The following ANKRD44 variants were observed in gnomAD, a reference collection of about 807,000 sequenced individuals.
The protein encoded by ANKRD44 is ankyrin repeat domain 44.
Under a neutral mutation model 116.0 loss-of-function variants are expected in ANKRD44, and 35 were observed. That is an observed-to-expected ratio of 0.30 (90% CI 0.23 to 0.40). The LOEUF (loss-of-function observed/expected upper bound fraction) is 0.40. Ranked by LOEUF, ANKRD44 falls within the 10% of genes least tolerant of loss-of-function variation. ANKRD44 has a pLI of 1.00. For missense variants in ANKRD44, 1,014 were observed against 1,242.6 expected (o/e 0.82, Z 2.77); for synonymous variants, 435 against 461.8 (o/e 0.94, Z 0.74).
intron 4 of ANKRD44, among the ~76,000 whole-genome samples, chr2:197,132,445 A>G (rs1236064015): frequency 1.3e-5 from 2 of 152,226 alleles, no homozygotes; most frequent in Admixed American, 6.5e-5. Flanking sequence ...TGACACCCTT[A>G]TTGCTTAACA....
chr2:197,124,487 T>C (rs866058782), intron 6 of ANKRD44, among the ~76,000 whole-genome samples: 1 of 152,236 alleles, frequency 6.6e-6, no homozygotes. Flanking sequence ...AAAATGAGAA[T>C]TATATTATTT....
At chr2:197,011,336 G>A (rs1376124324) in intron 18 of ANKRD44, among the ~76,000 whole-genome samples, 1 of 152,080 alleles carries the variant, frequency 6.6e-6, no homozygotes, top group Non-Finnish European at 1.5e-5. Flanking sequence ...CTAAACATAA[G>A]AAGAAAAAAA....
intron 1 of ANKRD44, among the ~76,000 whole-genome samples, chr2:197,304,731 G>A (rs2084018326): frequency 6.6e-6 from 1 of 152,186 alleles, no homozygotes; most frequent in South Asian, 2.1e-4. Context: ...TGTACCCATA[G>A]CAAACACTGG....
At chr2:197,299,968 A>G (rs2083847756) in intron 1 of ANKRD44, among the ~76,000 whole-genome samples, 1 of 152,238 alleles carries the variant, frequency 6.6e-6, no homozygotes, top group Non-Finnish European at 1.5e-5. Flanking sequence ...AAATGTTGCC[A>G]TGGTACCTCA....
intron 2 of ANKRD44, among the ~76,000 whole-genome samples, chr2:197,166,424 C>A (rs1330919272): frequency 6.6e-6 from 1 of 152,080 alleles, no homozygotes; most frequent in East Asian, 1.9e-4. Flanking sequence ...AGTAAGGATC[C>A]CTGTTCTATA....
intron 16 of ANKRD44, among the ~76,000 whole-genome samples, chr2:197,060,202 G>A (rs1055642482): frequency 6.6e-6 from 1 of 152,170 alleles, no homozygotes; most frequent in African/African-American, 2.4e-5. Flanking sequence ...AACTCCCACT[G>A]AGATAGTAAG....
At chr2:197,095,960 T>C (rs2078151991) in intron 10 of ANKRD44, among the ~76,000 whole-genome samples, 1 of 152,242 alleles carries the variant, frequency 6.6e-6, no homozygotes, top group Non-Finnish European at 1.5e-5. Flanking sequence ...ATCTAGTTTA[T>C]GTTTATACAT....
intron 2 of ANKRD44, among the ~76,000 whole-genome samples, chr2:197,168,329 C>T (rs2080146606): frequency 6.6e-6 from 1 of 152,212 alleles, no homozygotes; most frequent in Admixed American, 6.5e-5. Context: ...TAGTAAAAGT[C>T]TCTGTGAGAT....
chr2:197,017,994 A>AG (rs2076423352), intron 17 of ANKRD44, among the ~76,000 whole-genome samples: 1 of 152,242 alleles, frequency 6.6e-6, no homozygotes, highest in Non-Finnish European at 1.5e-5. Flanking sequence ...ATCTGGCAGG[A>AG]ATCTGGCCTA....
chr2:197,001,033 G>A (rs931397940), intron 22 of ANKRD44, among the ~76,000 whole-genome samples: 8 of 152,296 alleles, frequency 5.3e-5, no homozygotes, highest in South Asian at 2.1e-4. Flanking sequence ...GCGAGACTCC[G>A]TCTCAAAAAA....
intron 1 of ANKRD44, among the ~76,000 whole-genome samples, chr2:197,230,463 T>C (rs1331742915): frequency 6.6e-6 from 1 of 152,132 alleles, no homozygotes; most frequent in African/African-American, 2.4e-5. Flanking sequence ...AGACAAACCA[T>C]GTGGAGCTAG....
intron 1 of ANKRD44, among the ~76,000 whole-genome samples, chr2:197,238,733 C>T (rs1450109530): frequency 6.6e-6 from 1 of 151,344 alleles, no homozygotes; most frequent in African/African-American, 2.4e-5. Context: ...TAGATGGAGT[C>T]TCACTCTGTC....
At chr2:197,240,466 C>T (rs911723465) in intron 1 of ANKRD44, among the ~76,000 whole-genome samples, 4 of 150,852 alleles carry the variant, frequency 2.7e-5, no homozygotes, top group African/African-American at 9.8e-5. Context: ...CTTGGCATTT[C>T]AAAAATTAAG....
intron 1 of ANKRD44, among the ~76,000 whole-genome samples, chr2:197,232,401 G>A (rs111616329): frequency 6.6e-6 from 1 of 152,086 alleles, no homozygotes; most frequent in Non-Finnish European, 1.5e-5. Flanking sequence ...GCCCCTTAAT[G>A]TCATGTCTAA....
rs150787362 is a variant in ANKRD44, at chr2:197,173,195, CAT to C, written c.111+13826_111+13827del. Among the ~76,000 whole-genome samples, 61 of 152,294 alleles carry C rather than the reference CAT, an allele frequency of 4.0e-4. 1 individual carries two copies. The East Asian group carries it at 0.012, about 29-fold the overall frequency. On this transcript the variant is annotated intron_variant, in intron 2 of 27. Coordinates refer to ENST00000282272, the MANE Select transcript of ANKRD44 (RefSeq NM_001195144.2). ...AAGCAAAATGCAAAACAGGATCAAT[CAT>C]GTGATCTTTCTAGAAAAGTTTCACA...
intron 16 of ANKRD44, among the ~76,000 whole-genome samples, chr2:197,074,699 G>C (rs977225969): frequency 1.3e-5 from 2 of 152,072 alleles, no homozygotes; most frequent in African/African-American, 4.8e-5. Flanking sequence ...GGTTGGTCTT[G>C]AATTCCTGGA....
At chr2:197,173,989 C>T (rs552482943) in intron 2 of ANKRD44, among the ~76,000 whole-genome samples, 16 of 152,118 alleles carry the variant, frequency 1.1e-4, no homozygotes, top group South Asian at 4.2e-4. Flanking sequence ...GCTGAGATTG[C>T]GCTACTGCAC....
intron 13 of ANKRD44, among the ~76,000 whole-genome samples, chr2:197,084,570 T>C (rs1438111555): frequency 6.6e-6 from 1 of 152,170 alleles, no homozygotes; most frequent in East Asian, 1.9e-4. Flanking sequence ...GGTTCTGGCA[T>C]TGGCAGATGT....
At position 196,992,883 on chromosome 2, in the gene ANKRD44, A is replaced by G. The variant is rs181650327; in HGVS notation, c.2923+700T>C. 8.5e-5 allele frequency: 13 copies of G among 152,808 alleles called. No homozygotes were observed. In the East Asian group the frequency reaches 1.2e-3, roughly 14 times the overall value. 9.5% of individuals were successfully genotyped at this position (152,808 alleles called of 1,614,324 possible). A position where few individuals can be genotyped will look rare whatever the true frequency, so the allele number is the denominator to read the frequency against. ...TTAAATGCCACATTTTAAAAATTAC[A>G]TAATTCATAAACATCCAGAAGTTCC... On this transcript the variant is annotated intron_variant, in intron 27 of 27. Coordinates refer to ENST00000282272, the MANE Select transcript of ANKRD44 (RefSeq NM_001195144.2).
Sources: gnomAD v4.1 joint callset for allele counts (sites outside exome capture counted in the v4.1 genomes callset) on GRCh38, gnomAD v4.1.1 for gene constraint, MANE v1.5 for transcripts, NCBI Gene and HGNC (gene_info 2026-07-23, HGNC 2026-07-21) for gene names.